Variants in LOXHD1 observed in about 807,000 individuals in gnomAD.
The protein encoded by LOXHD1 is lipoxygenase homology PLAT domains 1, also known as lipoxygenase homology domain-containing protein 1.
Under a neutral mutation model 248.2 loss-of-function variants are expected in LOXHD1, and 205 were observed. The observed-to-expected ratio is 0.83, with a 90% CI of 0.74 to 0.93. The LOEUF is 0.93. Ranked by LOEUF, LOXHD1 falls within the 40% of genes least tolerant of loss-of-function variation. The pLI is 0.00. For missense variants in LOXHD1, 2,930 were observed against 2,971.6 expected (o/e 0.99, Z 0.33); for synonymous variants, 1,113 against 1,162.8 (o/e 0.96, Z 0.87).
At chr18:46,520,687 A>G (rs2035532661) in intron 33 of LOXHD1, 1 of 235,380 alleles carries the variant, frequency 4.2e-6, no homozygotes, top group Admixed American at 5.2e-5. Flanking sequence ...TCCTATCACC[A>G]CTCTACTGCT....
At chr18:46,523,011 G>A (rs1294933097) in intron 31 of LOXHD1, among the ~76,000 whole-genome samples, 1 of 151,692 alleles carries the variant, frequency 6.6e-6, no homozygotes, top group Non-Finnish European at 1.5e-5. Flanking sequence ...GCAATGGCAC[G>A]ATCTCGGCTC....
At position 46,634,126 on chromosome 18, in the gene LOXHD1, C is replaced by T. The variant is rs144367083; in HGVS notation, c.511+5490G>A. Among the ~76,000 whole-genome samples the T allele has an allele frequency of 2.1e-3, 325 of 152,216 alleles. 2 individuals are homozygous for T. Among genetic ancestry groups the T allele is most frequent in the African/African-American group, 6.7e-3 (278 of 41,518 alleles). On this transcript the variant is annotated intron_variant, in intron 4 of 40. Transcript: ENST00000642948. ...ACAGGGACTTGAACAAATATTTGTA[C>T]GCCCATGTTCATAGCAGCATTAATC...
intron 25 of LOXHD1, 129 bp downstream of exon 25, chr18:46,541,647 G>A (rs2036563037): frequency 9.9e-7 from 1 of 1,012,480 alleles, no homozygotes; most frequent in East Asian, 2.6e-5. Flanking sequence ...TCAGGACAGG[G>A]ATGAAAGACC....
intron 6 of LOXHD1, among the ~76,000 whole-genome samples, chr18:46,609,660 G>A (rs2038475187): frequency 6.6e-6 from 1 of 152,190 alleles, no homozygotes; most frequent in Admixed American, 6.5e-5. Flanking sequence ...ACGGACCTCA[G>A]CCTGGTGTGA....
intron 6 of LOXHD1, among the ~76,000 whole-genome samples, chr18:46,609,137 CT>C (rs1234705150): frequency 6.6e-6 from 1 of 152,204 alleles, no homozygotes; most frequent in Non-Finnish European, 1.5e-5. Context: ...CCCCCTCTTT[CT>C]GTCTGGAACA....
chr18:46,489,193 C>G, intron 37 of LOXHD1, 51 bp from the exon 38 acceptor site: 1 of 1,536,046 alleles, frequency 6.5e-7, no homozygotes, highest in Non-Finnish European at 8.8e-7. Context: ...CTTCCCTCCC[C>G]TTTCAGACTT....
chr18:46,502,569 C>T (rs2034302384), intron 37 of LOXHD1, among the ~76,000 whole-genome samples: 1 of 152,218 alleles, frequency 6.6e-6, no homozygotes, highest in African/African-American at 2.4e-5. Flanking sequence ...AAGGAAAGAA[C>T]CTGGATCAGC....
rs1598956372 is a variant in LOXHD1 at position 46,541,766 on chromosome 18, T to C, written c.3913+10A>G. On this transcript the variant is annotated intron_variant, in intron 25 of 40. Transcript: ENST00000642948. ...AGAGAAGGGCTGGCCTTGCCGTGTG[T>C]GGTTCCTACATGGTGTGTACAGCCT... 6.4e-7 allele frequency: 1 copy of C among 1,551,654 alleles called. No homozygotes were observed. The highest frequency in any genetic ancestry group is 2.4e-5 in the East Asian group (1 of 40,900).
intron 34 of LOXHD1, among the ~76,000 whole-genome samples, chr18:46,512,379 A>C (rs2035017941): frequency 6.6e-6 from 1 of 151,804 alleles, no homozygotes; most frequent in Non-Finnish European, 1.5e-5. Context: ...TGTACCCCCA[A>C]ACCAATCAGC....
intron 22 of LOXHD1, among the ~76,000 whole-genome samples, chr18:46,545,993 A>G (rs879813394): frequency 1.3e-5 from 2 of 151,686 alleles, no homozygotes; most frequent in Admixed American, 1.3e-4. Flanking sequence ...TAGTCTGGAA[A>G]CTTCCAGAGG....
intron 1 of LOXHD1, among the ~76,000 whole-genome samples, chr18:46,651,680 A>T (rs8094517): frequency 0.072 from 10,971 of 152,138 alleles, 528 homozygotes; most frequent in African/African-American, 0.12. Flanking sequence ...GGACTTCATT[A>T]AAATTGAGAC....
chr18:46,564,312 C>A (rs2037593766), intron 17 of LOXHD1, among the ~76,000 whole-genome samples: 2 of 152,074 alleles, frequency 1.3e-5, no homozygotes, highest in Admixed American at 1.3e-4. Context: ...TTGCTTGAGG[C>A]CAGGAGTTCA....
At chr18:46,481,238 C>T (rs1482902883) in intron 40 of LOXHD1, among the ~76,000 whole-genome samples, 1 of 152,140 alleles carries the variant, frequency 6.6e-6, no homozygotes, top group Non-Finnish European at 1.5e-5. Flanking sequence ...ATTGTCACCA[C>T]GATTAAACAT....
chr18:46,544,845 C>T (rs1259706539), intron 23 of LOXHD1: 2 of 471,684 alleles, frequency 4.2e-6, no homozygotes, highest in Non-Finnish European at 4.4e-6. Context: ...TCTGGACCTG[C>T]AGGATTTTGA....
At chr18:46,539,758 G>A (rs2036475810) in intron 25 of LOXHD1, among the ~76,000 whole-genome samples, 6 of 151,970 alleles carry the variant, frequency 3.9e-5, no homozygotes, top group Admixed American at 3.9e-4. Flanking sequence ...GCGTATAAAT[G>A]TGTACAATTG....
Position 46,546,994 on chromosome 18 carries a change from G to A in LOXHD1, c.3415C>T (p.Leu1139=). Residue 1139 remains leucine (L), a synonymous_variant, in exon 22 of 41, where the codon CTG becomes TTG. Transcript: ENST00000642948. ...EEDDGQLSRE[L]LPVDESYVLP... ...ACATAGGACTCATCCACTGGCAACA[G>A]CTCCCTGGACAGCTGGCCATCATCT... The A allele has an allele frequency of 6.4e-7, 1 of 1,551,764 alleles. No homozygotes were observed. The highest frequency in any genetic ancestry group is 8.7e-7 in the Non-Finnish European group (1 of 1,147,012).
chr18:46,557,859 G>C, intron 20 of LOXHD1: 1 of 1,229,442 alleles, frequency 8.1e-7, no homozygotes, highest in South Asian at 2.4e-5. Context: ...ATGTGTGCAG[G>C]TGTGTGCATA....
intron 37 of LOXHD1, 148 bp from the exon 38 acceptor site, chr18:46,489,290 G>C: frequency 1.2e-6 from 1 of 847,574 alleles, no homozygotes; most frequent in Admixed American, 2.1e-5. Context: ...ATAAAGTGAG[G>C]GGTTGGGTTA....
intron 29 of LOXHD1, 48 bp from the exon 30 acceptor site, chr18:46,524,965 C>T (rs1254156787): frequency 6.5e-7 from 1 of 1,540,832 alleles, no homozygotes; most frequent in African/African-American, 1.4e-5. Flanking sequence ...GCCACCCACT[C>T]AACCCACTCC....
Sources: gnomAD v4.1 joint callset for allele counts (sites outside exome capture counted in the v4.1 genomes callset) on GRCh38, gnomAD v4.1.1 for gene constraint, MANE v1.5 for transcripts, NCBI Gene and HGNC (gene_info 2026-07-23, HGNC 2026-07-21) for gene names.